GRK5: variants seen among roughly 807,000 people sequenced by gnomAD.
The protein encoded by GRK5 is G protein-coupled receptor kinase 5, also known as g protein-coupled receptor kinase GRK5.
Under a neutral mutation model 78.4 loss-of-function variants are expected in GRK5, and 40 were observed. The ratio of observed to expected loss-of-function variants is 0.51; its 90% CI spans 0.40 to 0.66. The LOEUF is 0.66. Ranked by LOEUF, GRK5 falls within the 30% of genes least tolerant of loss-of-function variation. The pLI, the probability that GRK5 is intolerant of heterozygous loss-of-function variation, is 0.00. For missense variants in GRK5, 598 were observed against 759.9 expected (o/e 0.79, Z 2.50); for synonymous variants, 289 against 296.8 (o/e 0.97, Z 0.27).
At chr10:119,258,091 CT>C (rs1383187813) in intron 1 of GRK5, among the ~76,000 whole-genome samples, 1 of 152,198 alleles carries the variant, frequency 6.6e-6, no homozygotes, top group Non-Finnish European at 1.5e-5. Context: ...TCATCACCCC[CT>C]GAAACTCCCC....
At chr10:119,291,335 T>C (rs924412197) in intron 1 of GRK5, among the ~76,000 whole-genome samples, 1 of 152,152 alleles carries the variant, frequency 6.6e-6, no homozygotes, top group African/African-American at 2.4e-5. Flanking sequence ...CACCCAGGGT[T>C]GGGCGTTCAG....
intron 4 of GRK5, among the ~76,000 whole-genome samples, chr10:119,397,096 G>A (rs562952070): frequency 7.2e-5 from 11 of 152,380 alleles, no homozygotes; most frequent in African/African-American, 2.6e-4. Flanking sequence ...GCCAAGTTCA[G>A]GAGAAGTGCC....
At chr10:119,230,068 G>A (rs1848800128) in intron 1 of GRK5, among the ~76,000 whole-genome samples, 1 of 152,112 alleles carries the variant, frequency 6.6e-6, no homozygotes, top group Non-Finnish European at 1.5e-5. Context: ...GCTTGTGGTG[G>A]CCCCATTTTT....
chr10:119,392,699 T>C (rs950602094), intron 3 of GRK5, among the ~76,000 whole-genome samples: 1 of 151,554 alleles, frequency 6.6e-6, no homozygotes, highest in African/African-American at 2.4e-5. Flanking sequence ...CCACCGCCCC[T>C]GGCTAAGAGA....
chr10:119,320,455 G>A (rs1022199148), intron 1 of GRK5, among the ~76,000 whole-genome samples: 8 of 152,348 alleles, frequency 5.3e-5, no homozygotes, highest in Middle Eastern at 3.4e-3. Flanking sequence ...TGCTGCATGC[G>A]TTGAGAGAAT....
intron 1 of GRK5, among the ~76,000 whole-genome samples, chr10:119,309,222 A>G (rs915392): frequency 0.39 from 59,984 of 152,158 alleles, 13,117 homozygotes; most frequent in Non-Finnish European, 0.49. Context: ...GTGCCCCCTC[A>G]GCCCCTCTTC....
intron 1 of GRK5, among the ~76,000 whole-genome samples, chr10:119,294,438 C>A (rs1850043483): frequency 6.6e-6 from 1 of 152,146 alleles, no homozygotes; most frequent in African/African-American, 2.4e-5. Context: ...ATTTCCCAGG[C>A]AGGCACTGTC....
chr10:119,425,655 T>G (rs2133887614), intron 6 of GRK5, among the ~76,000 whole-genome samples: 1 of 152,354 alleles, frequency 6.6e-6, no homozygotes, highest in East Asian at 1.9e-4. Flanking sequence ...GAGTGCCTGC[T>G]CCTCAGCTTC....
intron 1 of GRK5, among the ~76,000 whole-genome samples, chr10:119,258,645 T>G (rs60245019): frequency 0.019 from 2,883 of 152,350 alleles, 80 homozygotes; most frequent in East Asian, 0.055. Flanking sequence ...ACAAAGACTC[T>G]GCCTCCCTTG....
At chr10:119,275,402 G>A (rs12358835) in intron 1 of GRK5, among the ~76,000 whole-genome samples, 20,228 of 152,134 alleles carry the variant, frequency 0.13, 1,424 homozygotes, top group Middle Eastern at 0.17. Context: ...CTCAGGTGCT[G>A]TTATCACTTC....
At chr10:119,344,934 C>CTTCCTTCT (rs1851061383) in intron 2 of GRK5, among the ~76,000 whole-genome samples, 2 of 139,918 alleles carry the variant, frequency 1.4e-5, no homozygotes, top group Non-Finnish European at 3.1e-5. Flanking sequence ...TCCTTCCTTC[C>CTTCCTTCT]TTTTCCTCCC....
chr10:119,216,798 C>T (rs1389349914), intron 1 of GRK5, among the ~76,000 whole-genome samples: 1 of 152,016 alleles, frequency 6.6e-6, no homozygotes, highest in Non-Finnish European at 1.5e-5. Context: ...ACTAAAAATA[C>T]AAAATTACCT....
At chr10:119,337,812 G>T (rs7070986) in intron 2 of GRK5, among the ~76,000 whole-genome samples, 9,337 of 151,922 alleles carry the variant, frequency 0.061, 473 homozygotes, top group African/African-American at 0.14. Context: ...TAGTAGAGAC[G>T]GGGTTTCACC....
intron 1 of GRK5, among the ~76,000 whole-genome samples, chr10:119,234,149 A>G (rs4237510): frequency 0.81 from 123,708 of 152,172 alleles, 50,464 homozygotes; most frequent in East Asian, 0.91. Context: ...GCATGTCAGA[A>G]CCTCCTTACA....
chr10:119,385,670 A>G (rs571494952), intron 3 of GRK5, among the ~76,000 whole-genome samples: 1 of 152,298 alleles, frequency 6.6e-6, no homozygotes, highest in East Asian at 1.9e-4. Flanking sequence ...GAAGACTTCA[A>G]AGTTTTGACC....
chr10:119,327,785 G>A (rs1237658772), intron 2 of GRK5, among the ~76,000 whole-genome samples: 1 of 152,154 alleles, frequency 6.6e-6, no homozygotes, highest in Non-Finnish European at 1.5e-5. Context: ...GCCCCACGAC[G>A]GCAGACATGA....
At position 119,450,543 on chromosome 10, in the gene GRK5, C is replaced by T. The variant is rs79657801; in HGVS notation, c.1405-2128C>T. ...GCACCCAGGCATGGCTGGAGAAAAG[C>T]GCTCCAGGCCCTGGAAGCAGCATGT... On this transcript the variant is annotated intron_variant, in intron 13 of 15. Transcript: ENST00000392870. Among the ~76,000 whole-genome samples, 7 of 152,316 alleles carry T rather than the reference C, an allele frequency of 4.6e-5. No homozygotes were observed. The East Asian group carries it at 5.8e-4, about 13-fold the overall frequency.
At chr10:119,295,261 C>T (rs1244276913) in intron 1 of GRK5, among the ~76,000 whole-genome samples, 2 of 149,256 alleles carry the variant, frequency 1.3e-5, no homozygotes, top group African/African-American at 2.5e-5. Context: ...GGGCAGAGAA[C>T]ATATCCTGTT....
At chr10:119,443,860 G>A in intron 12 of GRK5, 108 bp downstream of exon 12, 2 of 941,974 alleles carry the variant, frequency 2.1e-6, no homozygotes, top group South Asian at 1.7e-5. Context: ...ACAGGGGTCT[G>A]AGCATGGGGG....
Sources: gnomAD v4.1 joint callset for allele counts (sites outside exome capture counted in the v4.1 genomes callset) on GRCh38, gnomAD v4.1.1 for gene constraint, MANE v1.5 for transcripts, NCBI Gene and HGNC (gene_info 2026-07-23, HGNC 2026-07-21) for gene names.